The following SLC14A2 variants were observed in gnomAD, a reference collection of about 807,000 sequenced individuals.
SLC14A2 encodes the protein solute carrier family 14 member 2, also known as urea transporter 2.
A neutral mutation model predicts 104.6 loss-of-function variants in SLC14A2; 91 were observed. The observed-to-expected ratio is 0.87, with a 90% CI of 0.73 to 1.04. The LOEUF (loss-of-function observed/expected upper bound fraction) is 1.04, where lower values mean the gene tolerates loss of function less well. Among genes scored for constraint, SLC14A2 ranks in the 50% least tolerant of loss-of-function variants. SLC14A2 has a pLI of 0.00. For missense variants in SLC14A2, 1,189 were observed against 1,156.0 expected (o/e 1.03, Z -0.41); for synonymous variants, 476 against 466.4 (o/e 1.02, Z -0.27).
At chr18:45,231,115 A>C (rs1291528816) in intron 1 of SLC14A2, among the ~76,000 whole-genome samples, 2 of 152,242 alleles carry the variant, frequency 1.3e-5, no homozygotes. Context: ...TGACGCACAG[A>C]GAAGTTAAGT....
At chr18:45,238,383 G>C (rs1191315224) in intron 1 of SLC14A2, among the ~76,000 whole-genome samples, 3 of 152,228 alleles carry the variant, frequency 2.0e-5, no homozygotes, top group Admixed American at 1.3e-4. Context: ...AGAGCGGTTA[G>C]AGTGTAGAAA....
In SLC14A2 at chr18:45,626,986, C is replaced by G. The variant is rs2045267760; in HGVS notation, c.360C>G (p.Asp120Glu). 1 of 1,612,244 alleles carries G rather than the reference C, an allele frequency of 6.2e-7. No homozygotes were observed. The highest frequency in any genetic ancestry group is 1.7e-5 in the Admixed American group (1 of 59,992). ...AGCACCTTGCCCTCCAGTTCATAGA[C>G]TGGGTCCTGAGAGGGACCGCTCAGG... is the stretch of plus-strand genomic sequence containing the variant. Reference protein sequence around the residue: ...KDKHLALQFIDWVLRGTAQVM... With the variant: ...KDKHLALQFIEWVLRGTAQVM... The change falls in exon 4 of 20, where the codon GAC becomes GAG. Residue 120 changes from aspartate to glutamate, a missense_variant. Transcript: ENST00000255226.
intron 1 of SLC14A2, among the ~76,000 whole-genome samples, chr18:45,276,223 G>A (rs893506594): frequency 7.9e-5 from 12 of 152,136 alleles, no homozygotes; most frequent in African/African-American, 2.9e-4. Flanking sequence ...TTTCACAGGC[G>A]GCATATTTCA....
At chr18:45,398,001 G>A (rs2086054861) in intron 1 of SLC14A2, among the ~76,000 whole-genome samples, 1 of 152,098 alleles carries the variant, frequency 6.6e-6, no homozygotes, top group Non-Finnish European at 1.5e-5. Context: ...ATCCTAGCAA[G>A]GAGGTTAGGA....
chr18:45,392,129 G>C (rs2144417117), intron 1 of SLC14A2, among the ~76,000 whole-genome samples: 1 of 152,304 alleles, frequency 6.6e-6, no homozygotes, highest in East Asian at 1.9e-4. Context: ...CAGCACTTCA[G>C]AATCCTCACC....
chr18:45,177,237 C>T, the SLC14A2 span, among the ~76,000 whole-genome samples: 4 of 121,768 alleles, frequency 3.3e-5, no homozygotes, highest in Non-Finnish European at 5.7e-5. Flanking sequence ...TCATGCATTC[C>T]ACTAGCCCCT....
At chr18:45,602,046 C>T (rs2044798213) in intron 2 of SLC14A2, among the ~76,000 whole-genome samples, 2 of 152,226 alleles carry the variant, frequency 1.3e-5, no homozygotes. Context: ...TAGGAATACT[C>T]ATTCACTTCC....
intron 12 of SLC14A2, among the ~76,000 whole-genome samples, chr18:45,666,602 T>TAAAA (rs5824604): frequency 0.63 from 91,347 of 145,772 alleles, 29,837 homozygotes; most frequent in Non-Finnish European, 0.74. Flanking sequence ...GTATTAATGT[T>TAAAA]AAAAAAAAAA....
intron 19 of SLC14A2, among the ~76,000 whole-genome samples, chr18:45,679,995 G>T (rs1212619299): frequency 1.3e-5 from 2 of 152,136 alleles, no homozygotes; most frequent in Non-Finnish European, 2.9e-5. Context: ...TCCAGTATCT[G>T]TTATAGTCTT....
At position 45,683,107 on chromosome 18, in the gene SLC14A2, AG is replaced by A. The variant is rs67509968; in HGVS notation, c.*592del. 0.15 allele frequency: 21,741 copies of A among 148,396 alleles called. 1,862 individuals are homozygous for A. The highest frequency in any genetic ancestry group is 0.38 in the East Asian group (1,881 of 4,972). 9.2% of individuals were successfully genotyped at this position (148,396 alleles called of 1,614,324 possible). ...AGACTCTGTCTCAAAAAAAAAAAAA[AG>A]GGGAAGTCACCAAGAAAGGGATAGA... On this transcript the variant is annotated 3_prime_UTR_variant, in exon 20 of 20. Transcript: ENST00000255226.
At chr18:45,367,793 C>T (rs1412140665) in intron 1 of SLC14A2, among the ~76,000 whole-genome samples, 1 of 152,064 alleles carries the variant, frequency 6.6e-6, no homozygotes, top group East Asian at 1.9e-4. Flanking sequence ...TTCTTCCTTC[C>T]CAGGGCTCTG....
chr18:45,252,615 G>A (rs972979833), intron 1 of SLC14A2, among the ~76,000 whole-genome samples: 7 of 152,260 alleles, frequency 4.6e-5, no homozygotes, highest in Admixed American at 3.3e-4. Flanking sequence ...GAACTTCAGC[G>A]TGGATCAGGA....
intron 1 of SLC14A2, among the ~76,000 whole-genome samples, chr18:45,411,620 T>C (rs975537288): frequency 2.6e-5 from 4 of 152,164 alleles, no homozygotes; most frequent in Non-Finnish European, 4.4e-5. Context: ...CAGTTTCCGA[T>C]GCACAGGTAA....
intron 1 of SLC14A2, among the ~76,000 whole-genome samples, chr18:45,388,666 A>C (rs1334557517): frequency 6.6e-6 from 1 of 152,174 alleles, no homozygotes; most frequent in African/African-American, 2.4e-5. Context: ...AGAACACTTA[A>C]GAATAGGAAT....
intron 11 of SLC14A2, 87 bp downstream of exon 11, chr18:45,663,994 G>T: frequency 7.2e-7 from 1 of 1,383,792 alleles, no homozygotes; most frequent in Non-Finnish European, 9.7e-7. Flanking sequence ...ACTTCACAGG[G>T]TGGTGGGGAG....
intron 1 of SLC14A2, among the ~76,000 whole-genome samples, chr18:45,299,418 T>A (rs1031922595): frequency 5.9e-5 from 9 of 152,232 alleles, no homozygotes; most frequent in Non-Finnish European, 7.3e-5. Context: ...CATGTGCGCA[T>A]GCACACACAC....
chr18:45,628,015 AAAAAAGAAAAG>A (rs1470633337), intron 4 of SLC14A2, among the ~76,000 whole-genome samples: 2 of 151,584 alleles, frequency 1.3e-5, no homozygotes, highest in South Asian at 2.1e-4. Context: ...AAAAAAAAAA[AAAAAAGAAAAG>A]AAAAAGAAAA....
intron 2 of SLC14A2, among the ~76,000 whole-genome samples, chr18:45,585,836 C>T (rs73423726): frequency 0.037 from 5,637 of 152,274 alleles, 139 homozygotes; most frequent in Middle Eastern, 0.092. Flanking sequence ...TGAGCAATGG[C>T]TCCGCGAGAG....
intron 1 of SLC14A2, among the ~76,000 whole-genome samples, chr18:45,305,956 T>C (rs934680339): frequency 3.3e-5 from 5 of 152,238 alleles, no homozygotes; most frequent in African/African-American, 1.2e-4. Flanking sequence ...TTAGGGAGCA[T>C]ATTAAATCTT....
Sources: gnomAD v4.1 joint callset for allele counts (sites outside exome capture counted in the v4.1 genomes callset) on GRCh38, gnomAD v4.1.1 for gene constraint, MANE v1.5 for transcripts, NCBI Gene and HGNC (gene_info 2026-07-23, HGNC 2026-07-21) for gene names.